The following SAMD12 variants were observed in gnomAD, a reference collection of about 807,000 sequenced individuals.
SAMD12 encodes the protein sterile alpha motif domain containing 12, also known as sterile alpha motif domain-containing protein 12.
A neutral mutation model predicts 15.0 loss-of-function variants in SAMD12; 9 were observed. That is an observed-to-expected ratio of 0.60 (90% confidence interval 0.36 to 1.05). The LOEUF (loss-of-function observed/expected upper bound fraction) is 1.05, where lower values mean the gene tolerates loss of function less well. Among genes scored for constraint, SAMD12 ranks in the 50% least tolerant of loss-of-function variants. The pLI is 0.01. For synonymous variants in SAMD12, 86 were observed against 90.1 expected (o/e 0.96, Z 0.25); for missense variants, 230 against 234.2 (o/e 0.98, Z 0.12).
chr8:118,608,284 T>G lies in SAMD12; in HGVS notation c.13+13520A>C, dbSNP rs568291377. Among the ~76,000 whole-genome samples the G allele has an allele frequency of 6.6e-5, 10 of 151,830 alleles. No individual in the cohort carries two copies. In the East Asian group the frequency reaches 2.0e-3, roughly 30 times the overall value. On this transcript the variant is annotated intron_variant, in intron 1 of 3. Coordinates refer to ENST00000314727, the MANE Select transcript of SAMD12 (RefSeq NM_207506.3). The stretch of plus-strand genomic sequence containing the variant: ...CAGCACACACCTTGCTGGCTGGTTG[T>G]GCATCTCGCCACACTGACACACCCC...
chr8:118,214,905 G>A (rs1453299616), intron 4 of SAMD12, among the ~76,000 whole-genome samples: 1 of 152,166 alleles, frequency 6.6e-6, no homozygotes, highest in African/African-American at 2.4e-5. Context: ...AATGGCTGGA[G>A]GTGAAGGCAG....
chr8:118,384,021 G>T (rs1217091174), intron 3 of SAMD12, among the ~76,000 whole-genome samples: 2 of 152,132 alleles, frequency 1.3e-5, no homozygotes, highest in African/African-American at 4.8e-5. Context: ...GGGGCAGACA[G>T]GGACGCCTAT....
intron 3 of SAMD12, among the ~76,000 whole-genome samples, chr8:118,387,675 C>G (rs114906754): frequency 0.013 from 1,984 of 152,274 alleles, 42 homozygotes; most frequent in African/African-American, 0.043. Context: ...AGAAGCCATG[C>G]TCTGAACCAT....
chr8:118,472,040 C>A (rs990601360), intron 2 of SAMD12, among the ~76,000 whole-genome samples: 1 of 152,196 alleles, frequency 6.6e-6, no homozygotes. Context: ...GTAATCCCAG[C>A]ACTTTGGGAG....
At chr8:118,558,188 C>A (rs146968253) in intron 2 of SAMD12, among the ~76,000 whole-genome samples, 6 of 152,184 alleles carry the variant, frequency 3.9e-5, no homozygotes, top group Non-Finnish European at 7.4e-5. Flanking sequence ...AAACTTTTTG[C>A]CTTGTATGCA....
chr8:118,166,169 C>T, the SAMD12 span, among the ~76,000 whole-genome samples: 5 of 152,156 alleles, frequency 3.3e-5, no homozygotes, highest in African/African-American at 1.2e-4. Context: ...GCTGTAGCTT[C>T]ACTTGCTCGT....
intron 4 of SAMD12, among the ~76,000 whole-genome samples, chr8:118,244,393 CA>C (rs1162390187): frequency 6.6e-6 from 1 of 152,116 alleles, no homozygotes; most frequent in Non-Finnish European, 1.5e-5. Flanking sequence ...TAGGAACTGC[CA>C]GATCTCTTTT....
chr8:118,556,433 G>C (rs1826532007), intron 2 of SAMD12, among the ~76,000 whole-genome samples: 1 of 152,140 alleles, frequency 6.6e-6, no homozygotes, highest in Admixed American at 6.5e-5. Flanking sequence ...TATCACTTAT[G>C]AATCACAATA....
chr8:118,442,821 G>A (rs528284149), intron 2 of SAMD12, among the ~76,000 whole-genome samples: 10 of 152,262 alleles, frequency 6.6e-5, no homozygotes, highest in Non-Finnish European at 1.2e-4. Context: ...TCACAGAGGC[G>A]TAAATTAGGA....
chr8:118,436,949 C>A (rs574919550), intron 3 of SAMD12, among the ~76,000 whole-genome samples: 57 of 152,302 alleles, frequency 3.7e-4, no homozygotes, highest in African/African-American at 1.3e-3. Flanking sequence ...CACCCAGCAA[C>A]CTTTACAAAA....
chr8:118,205,539 A>G lies in SAMD12; in HGVS notation c.434-7807T>C, dbSNP rs113625524. 1.6e-3 allele frequency among the ~76,000 whole-genome samples: 242 copies of G among 152,308 alleles called. 2 individuals carry two copies. The highest frequency in any genetic ancestry group is 5.6e-3 in the African/African-American group (232 of 41,552). On this transcript the variant is annotated intron_variant, in intron 4 of 4. Coordinates refer to the SAMD12 transcript ENST00000409003. ...GCTGTGGCCTTTAGGCTAGGCTATGATCTTTGATCTGACTATGAAATATCA... is the reference window on the plus strand; with the variant it reads ...GCTGTGGCCTTTAGGCTAGGCTATGGTCTTTGATCTGACTATGAAATATCA...
At chr8:118,548,340 A>G (rs1244768536) in intron 2 of SAMD12, among the ~76,000 whole-genome samples, 2 of 151,918 alleles carry the variant, frequency 1.3e-5, no homozygotes, top group African/African-American at 2.4e-5. Context: ...ATTTCCTAAT[A>G]ACTTACAATG....
intron 4 of SAMD12, among the ~76,000 whole-genome samples, chr8:118,233,297 GGCTTT>G (rs1193840344): frequency 6.6e-6 from 1 of 152,102 alleles, no homozygotes; most frequent in Non-Finnish European, 1.5e-5. Flanking sequence ...TTTAATTTGT[GGCTTT>G]GATGTCCCAC....
At chr8:118,168,479 T>A in the SAMD12 span, among the ~76,000 whole-genome samples, 1 of 152,196 alleles carries the variant, frequency 6.6e-6, no homozygotes, top group African/African-American at 2.4e-5. Flanking sequence ...AGTGAACCAA[T>A]ATGAGAGTGC....
chr8:118,443,368 G>A (rs1822812553), intron 2 of SAMD12, among the ~76,000 whole-genome samples: 2 of 152,134 alleles, frequency 1.3e-5, no homozygotes, highest in Admixed American at 1.3e-4. Context: ...GGAGACAGGA[G>A]GATCGCTTGA....
At chr8:118,197,589 C>T (rs1409411010) in exon 5 of SAMD12, 4 of 880,394 alleles carry the variant, frequency 4.5e-6, no homozygotes, top group East Asian at 2.4e-5. Flanking sequence ...TTCAGTTAAT[C>T]CAGTTAATCT....
chr8:118,408,312 TAA>T (rs994205738), intron 3 of SAMD12, among the ~76,000 whole-genome samples: 12 of 152,152 alleles, frequency 7.9e-5, no homozygotes, highest in African/African-American at 2.7e-4. Context: ...CAGTACAAGT[TAA>T]GTCATGGTCT....
At chr8:118,234,571 C>A (rs974185819) in intron 4 of SAMD12, among the ~76,000 whole-genome samples, 2 of 151,888 alleles carry the variant, frequency 1.3e-5, no homozygotes, top group African/African-American at 4.8e-5. Context: ...ATTAGCCAGG[C>A]ATGGTGGCAG....
At chr8:118,422,581 A>G (rs951227131) in intron 3 of SAMD12, among the ~76,000 whole-genome samples, 1 of 152,046 alleles carries the variant, frequency 6.6e-6, no homozygotes, top group Non-Finnish European at 1.5e-5. Context: ...CTGACGAAAA[A>G]CCTCATAAGC....
Sources: allele counts gnomAD v4.1 joint callset (sites outside exome capture counted in the v4.1 genomes callset), GRCh38; gene constraint gnomAD v4.1.1; transcripts MANE v1.5; gene names NCBI Gene and HGNC (gene_info 2026-07-23, HGNC 2026-07-21).